Variants in MDN1 observed in about 807,000 individuals in gnomAD.
The protein encoded by MDN1 is midasin.
Under a neutral mutation model 669.2 loss-of-function variants are expected in MDN1, and 266 were observed. The ratio of observed to expected loss-of-function variants is 0.40; its 90% CI spans 0.36 to 0.44. MDN1 has a LOEUF of 0.44. MDN1 is among the 20% of genes least tolerant of loss of function. The pLI is 1.00. For synonymous variants in MDN1, 2,385 were observed against 2,457.1 expected (o/e 0.97, Z 0.87); for missense variants, 5,940 against 6,754.0 (o/e 0.88, Z 4.22).
chr6:89,793,911 C>A lies in MDN1; in HGVS notation c.706G>T (p.Val236Phe). The A allele has an allele frequency of 6.2e-7, 1 of 1,614,090 alleles. No individual in the cohort carries two copies. The highest frequency in any genetic ancestry group is 8.5e-7 in the Non-Finnish European group (1 of 1,179,962). The part of the protein sequence containing the change: ...AQLQDLEKAL[V>F]LANPEVSLWR... The stretch of plus-strand genomic sequence containing the variant: ...AGGGAGACTTCTGGATTGGCCAAAA[C>A]CAAGGCCTTCTCCAAGTCCTGCAAC... The change falls in exon 5 of 102, where the codon GTT becomes TTT. Residue 236 changes from valine (V) to phenylalanine (F), a missense_variant. By Grantham distance (50) the Val-to-Phe change is conservative (BLOSUM62 -1). This residue lies in a region of MDN1 where 1,203 missense variants were observed against 1,268.9 expected (regional missense o/e 0.95). Transcript: ENST00000369393.
At chr6:89,681,210 G>T (rs942259963) in intron 73 of MDN1, among the ~76,000 whole-genome samples, 1 of 151,594 alleles carries the variant, frequency 6.6e-6, no homozygotes, top group Non-Finnish European at 1.5e-5. Flanking sequence ...GTCTGGCTTT[G>T]TCACCCAGGC....
Position 89,655,817 on chromosome 6 carries a change from T to C in MDN1, c.15437A>G (p.Asp5146Gly). Residue 5146 changes from aspartate (D) to glycine (G), a missense_variant, in exon 92 of 102, where the codon GAT becomes GGT. Around this residue, in one of 5 missense-constraint regions of MDN1, gnomAD observed 2,280 missense variants for 2,576.3 expected, o/e 0.88. Coordinates refer to ENST00000369393, the MANE Select transcript of MDN1 (RefSeq NM_014611.3). ...GCCTTGTTTAATGTGCTCGAATGCA[T>C]CTGCATCCTCCACCTGGGCCTGGGG... ...QQPQAQVEDA[D>G]AFEHIKQGSD... 6.2e-7 allele frequency: 1 copy of C among 1,613,966 alleles called. No homozygotes were observed. The highest frequency in any genetic ancestry group is 8.5e-7 in the Non-Finnish European group (1 of 1,179,976).
rs116887360 is a variant in MDN1 at position 89,757,190 on chromosome 6, T to C, written c.2703-800A>G. ...AGTAAACGGTTACCAACAATAAATC[T>C]GGTCATTTAATTTATTTTTTCCCAA... On this transcript the variant is annotated intron_variant, in intron 19 of 101. Coordinates refer to ENST00000369393, the MANE Select transcript of MDN1 (RefSeq NM_014611.3). Among the ~76,000 whole-genome samples, 1,274 of 152,282 alleles carry C rather than the reference T, an allele frequency of 8.4e-3. 19 individuals carry two copies. The highest frequency in any genetic ancestry group is 0.036 in the South Asian group (175 of 4,826).
At chr6:89,786,092 T>C (rs900211245) in intron 8 of MDN1, among the ~76,000 whole-genome samples, 7 of 151,824 alleles carry the variant, frequency 4.6e-5, no homozygotes, top group Non-Finnish European at 8.8e-5. Flanking sequence ...CAAAACCCCA[T>C]CTCTATTAGA....
intron 91 of MDN1, 60 bp from the exon 92 acceptor site, chr6:89,656,028 AAACAT>A: frequency 6.8e-7 from 1 of 1,467,040 alleles, no homozygotes; most frequent in Non-Finnish European, 9.4e-7. Flanking sequence ...GACTCAAAGT[AAACAT>A]AATATCCATC....
chr6:89,645,139 A>T lies in MDN1; in HGVS notation c.16478T>A (p.Leu5493Gln). ...AAGGCCTCGCCCATCAGAGACTACC[A>T]GGAGGAGTTGTGCAGTTTCTGTAGA... ...NISSETAQLL[L>Q]VVSDGRGLFL... is the part of the protein sequence containing the mutation. The change falls in exon 101 of 102, where the codon CTG becomes CAG. Residue 5493 changes from leucine (L) to glutamine (Q), a missense_variant. Physicochemically the swap from Leu to Gln is moderately radical, Grantham distance 113. Around this residue, in one of 5 missense-constraint regions of MDN1, gnomAD observed 2,280 missense variants for 2,576.3 expected, o/e 0.88. Transcript: ENST00000369393. 1 of 1,607,450 alleles carries T rather than the reference A, an allele frequency of 6.2e-7. No individual in the cohort carries two copies. The highest frequency in any genetic ancestry group is 8.5e-7 in the Non-Finnish European group (1 of 1,174,270).
At chr6:89,670,563 G>T (rs1584140126) in intron 83 of MDN1, among the ~76,000 whole-genome samples, 1 of 152,048 alleles carries the variant, frequency 6.6e-6, no homozygotes, top group East Asian at 1.9e-4. Flanking sequence ...AGCCTTAAGG[G>T]TTTATCCTAC....
chr6:89,800,907 G>A (rs1397913625), intron 2 of MDN1, among the ~76,000 whole-genome samples: 2 of 152,166 alleles, frequency 1.3e-5, no homozygotes, highest in Non-Finnish European at 2.9e-5. Context: ...TCAGAGAATT[G>A]ATAGATATAG....
intron 2 of MDN1, among the ~76,000 whole-genome samples, chr6:89,800,815 G>C (rs1470378338): frequency 6.6e-6 from 1 of 152,116 alleles, no homozygotes; most frequent in Non-Finnish European, 1.5e-5. Context: ...TTGTGGGACT[G>C]AATCTTTAAC....
At chr6:89,800,068 T>A in intron 2 of MDN1, among the ~76,000 whole-genome samples, 1 of 151,770 alleles carries the variant, frequency 6.6e-6, no homozygotes, top group East Asian at 1.9e-4. Flanking sequence ...GTTAAGATGA[T>A]CTCCAATGGT....
chr6:89,755,060 TTATC>T (rs71890833), intron 20 of MDN1, among the ~76,000 whole-genome samples: 6,978 of 152,222 alleles, frequency 0.046, 521 homozygotes, highest in African/African-American at 0.16. Flanking sequence ...ATTTTATCCT[TTATC>T]TACCTCTTTA....
chr6:89,745,655 A>G (rs1157722535), intron 27 of MDN1, 29 bp from the exon 28 acceptor site: 1 of 1,604,970 alleles, frequency 6.2e-7, no homozygotes, highest in Non-Finnish European at 8.5e-7. Context: ...AAAGGAGGAG[A>G]GGAATCATCA....
intron 29 of MDN1, 106 bp from the exon 30 acceptor site, chr6:89,743,820 G>T: frequency 7.9e-7 from 1 of 1,271,748 alleles, no homozygotes; most frequent in Non-Finnish European, 1.1e-6. Flanking sequence ...TCTCACTGCA[G>T]CAGTAAACAG....
In MDN1 at chr6:89,814,877, TCCTAGAAACC is replaced by T. The variant is rs770962661; in HGVS notation, c.102+4619_102+4628del. 59 of 496,572 alleles carry T rather than the reference TCCTAGAAACC, an allele frequency of 1.2e-4. No homozygotes were observed. In the Middle Eastern group the frequency reaches 2.7e-3, roughly 23 times the overall value. 30.8% of individuals were successfully genotyped at this position (496,572 alleles called of 1,614,324 possible). On this transcript the variant is annotated intron_variant, in intron 1 of 101. Transcript: ENST00000369393. ...CAACCTCAACCTCCGGACAGGTACC[TCCTAGAAACC>T]CCTAGAAACCAGGGTCAGGGCAGTA...
chr6:89,687,075 C>G lies in MDN1; in HGVS notation c.11451-52G>C, dbSNP rs1812066046. On this transcript the variant is annotated intron_variant, in intron 68 of 101. Coordinates refer to ENST00000369393, the MANE Select transcript of MDN1 (RefSeq NM_014611.3). ...ATTTAGGAAAACCTATTTGAAATAT[C>G]TGAAACCAAAGATGCAGAAGCTACA... 3 of 1,597,660 alleles carry G rather than the reference C, an allele frequency of 1.9e-6. No homozygotes were observed. The East Asian group carries it at 6.7e-5, about 36-fold the overall frequency.
rs760167377 is a variant in MDN1, at chr6:89,780,281, A to T, written c.1656T>A (p.Asn552Lys). The change falls in exon 11 of 102, where the codon AAT becomes AAA. Residue 552 changes from asparagine to lysine, a missense_variant. Physicochemically the swap from Asn to Lys is moderately conservative, Grantham distance 94 (BLOSUM62 0). Around this residue, in one of 5 missense-constraint regions of MDN1, gnomAD observed 1,203 missense variants for 1,268.9 expected, o/e 0.95. Coordinates refer to ENST00000369393, the MANE Select transcript of MDN1 (RefSeq NM_014611.3). The part of the protein sequence containing the change: ...GRELSLRDLL[N>K]WCNRIAHSFD... Reference sequence around the variant, plus strand: ...AGCTATGGGCAATCCTATTACACCAATTCAGCAGATCCCTTTAAAAAAAAG... The same window carrying T: ...AGCTATGGGCAATCCTATTACACCATTTCAGCAGATCCCTTTAAAAAAAAG... 2 of 1,573,122 alleles carry T rather than the reference A, an allele frequency of 1.3e-6. No homozygotes were observed. The highest frequency in any genetic ancestry group is 4.6e-5 in the East Asian group (2 of 43,894).
intron 99 of MDN1, 113 bp downstream of exon 99, chr6:89,647,919 C>T (rs1808591040): frequency 1.2e-6 from 1 of 810,908 alleles, no homozygotes; most frequent in African/African-American, 1.7e-5. Flanking sequence ...CGCCATTGTA[C>T]TCTAGCCTGG....
intron 19 of MDN1, among the ~76,000 whole-genome samples, chr6:89,756,592 T>C (rs1817258350): frequency 6.6e-6 from 1 of 152,204 alleles, no homozygotes; most frequent in African/African-American, 2.4e-5. Flanking sequence ...GCTTCTTCTA[T>C]GCAATAAGTC....
intron 33 of MDN1, among the ~76,000 whole-genome samples, chr6:89,733,078 A>G (rs1815706843): frequency 6.6e-6 from 1 of 152,220 alleles, no homozygotes; most frequent in Admixed American, 6.5e-5. Context: ...TTGAGTTCGG[A>G]CACAGTTTTG....
Sources: allele counts gnomAD v4.1 joint callset (sites outside exome capture counted in the v4.1 genomes callset), GRCh38; gene constraint gnomAD v4.1.1; regional missense constraint gnomAD v4.1.1; transcripts MANE v1.5; gene names NCBI Gene and HGNC (gene_info 2026-07-23, HGNC 2026-07-21).